GTF2H5: variants seen among roughly 807,000 people sequenced by gnomAD.
GTF2H5 encodes TFB5 ortholog.
GTF2H5 carries 5 observed loss-of-function variants against 7.1 expected under a neutral mutation model. The ratio of observed to expected loss-of-function variants is 0.71; its 90% CI spans 0.37 to 1.49. GTF2H5 has a LOEUF of 1.49. GTF2H5 is among the 40% of genes most tolerant of loss of function. The pLI is 0.03. For missense variants in GTF2H5, 80 were observed against 83.0 expected, an observed-to-expected ratio of 0.96 and a Z score of 0.14; for synonymous variants, 30 against 31.7, an observed-to-expected ratio of 0.95 and a Z score of 0.18.
rs983546459 is a variant in GTF2H5, at chr6:158,192,785, T to C, written c.*628T>C. ...TGGTCACATTTTCCCATCTGTATTC[T>C]TTTTTATTAAGAAAACAGCTTAGGG... On this transcript the variant is annotated 3_prime_UTR_variant, in exon 3 of 3. Coordinates refer to ENST00000607778, the MANE Select transcript of GTF2H5 (RefSeq NM_207118.3). 1.3e-5 allele frequency: 2 copies of C among 153,796 alleles called. No individual in the cohort carries two copies. The highest frequency in any genetic ancestry group is 4.8e-5 in the African/African-American group (2 of 41,368). The allele number at this position is 153,796 out of a possible 1,614,324, so 9.5% of individuals were successfully genotyped here. A position where few individuals can be genotyped will look rare whatever the true frequency, so the allele number is the denominator to read the frequency against.
intron 2 of GTF2H5, among the ~76,000 whole-genome samples, chr6:158,188,979 T>G (rs1422882959): frequency 1.6e-5 from 2 of 124,232 alleles, no homozygotes; most frequent in Non-Finnish European, 3.2e-5. Flanking sequence ...CCTTTCCACT[T>G]TGCCCTCTGG....
Position 158,194,092 on chromosome 6 carries a change from A to G in GTF2H5, c.*1935A>G, listed in dbSNP as rs1416439609. ...AATCAACTTTTAGTATGCCTCAGGC[A>G]TTTGTCACCAACCTTTTATATTAAC... On this transcript the variant is annotated 3_prime_UTR_variant, in exon 3 of 3. Coordinates refer to ENST00000607778, the MANE Select transcript of GTF2H5 (RefSeq NM_207118.3). 3.9e-5 allele frequency: 6 copies of G among 152,064 alleles called. No homozygotes were observed. The highest frequency in any genetic ancestry group is 8.8e-5 in the Non-Finnish European group (6 of 68,026). 9.4% of individuals were successfully genotyped at this position (152,064 alleles called of 1,614,324 possible). A position where few individuals can be genotyped will look rare whatever the true frequency, so the allele number is the denominator to read the frequency against.
chr6:158,184,586 C>T (rs1583635180), intron 2 of GTF2H5, among the ~76,000 whole-genome samples: 3 of 152,094 alleles, frequency 2.0e-5, no homozygotes, highest in Admixed American at 2.0e-4. Flanking sequence ...TCTAGACACC[C>T]ATATCTCAGA....
chr6:158,192,280 G>A lies in GTF2H5; in HGVS notation c.*123G>A. 1.4e-6 allele frequency: 1 copy of A among 724,510 alleles called. No individual in the cohort carries two copies. Among genetic ancestry groups the A allele is most frequent in the Non-Finnish European group, 2.5e-6 (1 of 407,754 alleles). 44.9% of individuals were successfully genotyped at this position (724,510 alleles called of 1,614,324 possible). ...TTAGGAGCATGCCACGGGAAAGACTGAGGGATCATGATCATTTGTTCAGAA... is the reference window on the plus strand; with the variant it reads ...TTAGGAGCATGCCACGGGAAAGACTAAGGGATCATGATCATTTGTTCAGAA... On this transcript the variant is annotated 3_prime_UTR_variant, in exon 3 of 3. Coordinates refer to ENST00000607778, the MANE Select transcript of GTF2H5 (RefSeq NM_207118.3).
intron 2 of GTF2H5, among the ~76,000 whole-genome samples, chr6:158,181,765 T>C (rs967843567): frequency 1.3e-5 from 2 of 152,178 alleles, no homozygotes; most frequent in Non-Finnish European, 2.9e-5. Flanking sequence ...TGGGCCTATG[T>C]GTGTCTTTGC....
chr6:158,173,664 T>A (rs1464006941), intron 2 of GTF2H5, among the ~76,000 whole-genome samples: 1 of 152,088 alleles, frequency 6.6e-6, no homozygotes, highest in Non-Finnish European at 1.5e-5. Context: ...AAATTGAGGC[T>A]CAGCCCTGGA....
At chr6:158,170,410 C>T (rs1785838735) in intron 1 of GTF2H5, 60 bp from the exon 2 acceptor site, 1 of 1,000,574 alleles carries the variant, frequency 1.0e-6, no homozygotes, top group African/African-American at 1.6e-5. Context: ...AGAGGCAGAT[C>T]CCCAAAGTAT....
intron 2 of GTF2H5, among the ~76,000 whole-genome samples, chr6:158,178,329 A>C (rs1314545314): frequency 6.6e-6 from 1 of 152,012 alleles, no homozygotes; most frequent in Non-Finnish European, 1.5e-5. Flanking sequence ...TATTAAAATT[A>C]GCCAGGCATG....
In GTF2H5 at chr6:158,169,492, ATAT is replaced by A. The variant is rs1562468316; in HGVS notation, c.-34-974_-34-972del. Among the ~76,000 whole-genome samples, 18 of 56,178 alleles carry A rather than the reference ATAT, an allele frequency of 3.2e-4. 3 individuals carry two copies. Among genetic ancestry groups the A allele is most frequent in the African/African-American group, 1.7e-3 (17 of 10,246 alleles). The allele number at this position is 56,178 out of a possible 152,430, so 36.9% of individuals were successfully genotyped here. ...TTGTATATTATATATAATATATTGT[ATAT>A]TATATAATATATTGTATATTATATA... On this transcript the variant is annotated intron_variant, in intron 1 of 2. Coordinates refer to ENST00000607778, the MANE Select transcript of GTF2H5 (RefSeq NM_207118.3).
At chr6:158,172,145 T>TG (rs1785865981) in intron 2 of GTF2H5, among the ~76,000 whole-genome samples, 1 of 152,162 alleles carries the variant, frequency 6.6e-6, no homozygotes, top group Non-Finnish European at 1.5e-5. Flanking sequence ...GTGTTTTTCT[T>TG]GGTGTTTTAG....
At chr6:158,168,512 GC>G (rs1785673926) in intron 1 of GTF2H5, 117 bp downstream of exon 1, 1 of 152,400 alleles carries the variant, frequency 6.6e-6, no homozygotes. Context: ...GGTGCTGGGG[GC>G]ACAGGGCGGT....
At chr6:158,179,835 C>A (rs1016161803) in intron 2 of GTF2H5, among the ~76,000 whole-genome samples, 1 of 152,158 alleles carries the variant, frequency 6.6e-6, no homozygotes, top group Admixed American at 6.5e-5. Flanking sequence ...TTATTGCTTT[C>A]TCTTGCCTGA....
At chr6:158,171,842 G>A (rs1174602030) in intron 2 of GTF2H5, among the ~76,000 whole-genome samples, 2 of 152,126 alleles carry the variant, frequency 1.3e-5, no homozygotes, top group Non-Finnish European at 2.9e-5. Context: ...AAACCACTGC[G>A]GGGGAGAGGT....
chr6:158,178,930 G>C (rs1583631870), intron 2 of GTF2H5, among the ~76,000 whole-genome samples: 1 of 152,086 alleles, frequency 6.6e-6, no homozygotes, highest in South Asian at 2.1e-4. Context: ...GCCCATGCCT[G>C]TGTCCTGAAT....
intron 2 of GTF2H5, among the ~76,000 whole-genome samples, chr6:158,172,723 A>G (rs571166105): frequency 6.6e-6 from 1 of 152,174 alleles, no homozygotes; most frequent in East Asian, 1.9e-4. Context: ...TCCCCTTGCT[A>G]TTCTCTTTCA....
At position 158,169,171 on chromosome 6, in the gene GTF2H5, T is replaced by C. The variant is rs566611550; in HGVS notation, c.-35+776T>C. The stretch of plus-strand genomic sequence containing the variant: ...ATCGCTTGAGCCCGGGAGGCAGAGG[T>C]TGCAGTGAGCCGACATCACGACACT... On this transcript the variant is annotated intron_variant, in intron 1 of 2. Coordinates refer to ENST00000607778, the MANE Select transcript of GTF2H5 (RefSeq NM_207118.3). 4.1e-5 allele frequency among the ~76,000 whole-genome samples: 6 copies of C among 148,078 alleles called. No individual in the cohort carries two copies. The South Asian group carries it at 1.0e-3, about 26-fold the overall frequency.
At chr6:158,169,474 TTA>T (rs1176892862) in intron 1 of GTF2H5, among the ~76,000 whole-genome samples, 2 of 59,256 alleles carry the variant, frequency 3.4e-5, no homozygotes, top group Non-Finnish European at 5.4e-5. Context: ...ATATTGTATA[TTA>T]TATATAATAT....
intron 1 of GTF2H5, among the ~76,000 whole-genome samples, chr6:158,169,183 G>A (rs533547645): frequency 3.4e-5 from 5 of 147,028 alleles, no homozygotes; most frequent in East Asian, 2.0e-4. Context: ...GCAGTGAGCC[G>A]ACATCACGAC....
At chr6:158,189,302 ACCC>A (rs1776982226) in intron 2 of GTF2H5, among the ~76,000 whole-genome samples, 1 of 151,988 alleles carries the variant, frequency 6.6e-6, no homozygotes, top group Non-Finnish European at 1.5e-5. Context: ...CTACCCACCA[ACCC>A]TCCTCTTTAT....
Sources: gnomAD v4.1 joint callset for allele counts (sites outside exome capture counted in the v4.1 genomes callset) on GRCh38, gnomAD v4.1.1 for gene constraint, MANE v1.5 for transcripts, NCBI Gene and HGNC (gene_info 2026-07-23, HGNC 2026-07-21) for gene names.